The following SH3BGRL variants were observed in gnomAD, a reference collection of about 807,000 sequenced individuals.
The protein encoded by SH3BGRL is adapter SH3BGRL.
A neutral mutation model predicts 9.8 loss-of-function variants in SH3BGRL; 7 were observed. The observed-to-expected ratio is 0.72, with a 90% CI of 0.41 to 1.35. The LOEUF (loss-of-function observed/expected upper bound fraction) is 1.35, where lower values mean the gene tolerates loss of function less well. SH3BGRL is among the 40% of genes most tolerant of loss of function. SH3BGRL has a pLI of 0.01. For missense variants in SH3BGRL, 73 were observed against 84.4 expected (o/e 0.86, Z 0.53); for synonymous variants, 36 against 29.1 (o/e 1.24, Z -0.76).
chrX:81,211,444 G>A (rs757056778), intron 1 of SH3BGRL, among the ~76,000 whole-genome samples: 145 of 111,297 alleles, frequency 1.3e-3, no homozygotes, highest in African/African-American at 4.2e-3. Context: ...AAAATTAGCC[G>A]GGCGTGGTGG....
intron 3 of SH3BGRL, among the ~76,000 whole-genome samples, chrX:81,282,008 A>C (rs2075818953): frequency 8.9e-6 from 1 of 111,954 alleles, no homozygotes; most frequent in Non-Finnish European, 1.9e-5. Context: ...GCATATGGAC[A>C]CCAAATGAGA....
At chrX:81,230,379 A>T (rs1426651114) in intron 1 of SH3BGRL, among the ~76,000 whole-genome samples, 2 of 112,132 alleles carry the variant, frequency 1.8e-5, no homozygotes, top group Admixed American at 9.5e-5. Context: ...AGTGCCAGGA[A>T]GTAAGAGGAC....
chrX:81,223,086 A>C (rs1032331439), intron 1 of SH3BGRL, among the ~76,000 whole-genome samples: 15 of 111,423 alleles, frequency 1.3e-4, no homozygotes, highest in Non-Finnish European at 2.6e-4. Flanking sequence ...CCTTTGTCAG[A>C]TGAGTAGATT....
intron 1 of SH3BGRL, among the ~76,000 whole-genome samples, chrX:81,261,008 G>T (rs751052476): frequency 3.2e-4 from 33 of 102,258 alleles, no homozygotes; most frequent in Non-Finnish European, 5.7e-4. Flanking sequence ...AGACTGGTAA[G>T]TAGAAGTTAA....
At chrX:81,283,511 A>G (rs141296319) in intron 3 of SH3BGRL, among the ~76,000 whole-genome samples, 1 of 112,295 alleles carries the variant, frequency 8.9e-6, no homozygotes, top group East Asian at 2.8e-4. Context: ...GGGATGGTTT[A>G]ACACACACAA....
chrX:81,296,402 A>G (rs892395815), intron 3 of SH3BGRL, among the ~76,000 whole-genome samples: 1 of 111,749 alleles, frequency 8.9e-6, no homozygotes, highest in African/African-American at 3.3e-5. Context: ...GTGTCATTTA[A>G]TATTTTCTTC....
At chrX:81,266,554 C>T (rs2075757753) in intron 1 of SH3BGRL, among the ~76,000 whole-genome samples, 1 of 111,397 alleles carries the variant, frequency 9.0e-6, no homozygotes, top group African/African-American at 3.3e-5. Flanking sequence ...TGTTCTGTTC[C>T]ATTGGTCTAT....
At chrX:81,220,459 G>T (rs988072388) in intron 1 of SH3BGRL, among the ~76,000 whole-genome samples, 1 of 111,153 alleles carries the variant, frequency 9.0e-6, no homozygotes, top group African/African-American at 3.3e-5. Context: ...GGTATTGGTT[G>T]TAATATCACC....
intron 1 of SH3BGRL, among the ~76,000 whole-genome samples, chrX:81,271,886 G>T (rs748675454): frequency 3.7e-4 from 41 of 111,498 alleles, no homozygotes; most frequent in African/African-American, 1.3e-3. Context: ...GGTTAACCCT[G>T]AAATTGAGCA....
At chrX:81,243,487 T>G (rs1189400432) in intron 1 of SH3BGRL, among the ~76,000 whole-genome samples, 1 of 111,694 alleles carries the variant, frequency 9.0e-6, no homozygotes, top group Non-Finnish European at 1.9e-5. Flanking sequence ...CACAACAGGG[T>G]GACTGTTGTC....
At chrX:81,262,365 TTTC>T (rs1334136666) in intron 1 of SH3BGRL, among the ~76,000 whole-genome samples, 1 of 111,786 alleles carries the variant, frequency 8.9e-6, no homozygotes, top group Non-Finnish European at 1.9e-5. Context: ...GAGAAAGGCA[TTTC>T]TTCTTTGTGG....
chrX:81,270,960 C>T (rs2075776895), intron 1 of SH3BGRL, among the ~76,000 whole-genome samples: 2 of 111,624 alleles, frequency 1.8e-5, no homozygotes, highest in South Asian at 3.8e-4. Context: ...CAAAGGTGGA[C>T]GTCCCCCCCC....
chrX:81,229,827 G>A (rs897967600), intron 1 of SH3BGRL, among the ~76,000 whole-genome samples: 1 of 111,800 alleles, frequency 8.9e-6, no homozygotes, highest in African/African-American at 3.3e-5. Flanking sequence ...AGGTGGTCTT[G>A]GGAAATGCAG....
chrX:81,237,961 C>T (rs2075653689), intron 1 of SH3BGRL, among the ~76,000 whole-genome samples: 1 of 107,998 alleles, frequency 9.3e-6, no homozygotes, highest in African/African-American at 3.4e-5. Context: ...GCCCTAGCTC[C>T]CGGATGACAT....
At chrX:81,254,553 G>A (rs1602613166) in intron 1 of SH3BGRL, among the ~76,000 whole-genome samples, 1 of 112,191 alleles carries the variant, frequency 8.9e-6, no homozygotes, top group Non-Finnish European at 1.9e-5. Flanking sequence ...CAACTATAGA[G>A]GAAAAAGCCC....
chrX:81,275,429 A>G (rs1452028302), intron 1 of SH3BGRL, among the ~76,000 whole-genome samples: 2 of 111,455 alleles, frequency 1.8e-5, no homozygotes, highest in African/African-American at 6.5e-5. Flanking sequence ...GGACATCTTT[A>G]TATCTACTCA....
chrX:81,250,975 C>T (rs1357423734), intron 1 of SH3BGRL, among the ~76,000 whole-genome samples: 1 of 111,490 alleles, frequency 9.0e-6, no homozygotes, highest in Non-Finnish European at 1.9e-5. Context: ...TAAGTTATAC[C>T]ATAGCTTCTA....
At chrX:81,237,178 C>T (rs1033633352) in intron 1 of SH3BGRL, 16 of 482,694 alleles carry the variant, frequency 3.3e-5, no homozygotes, top group Non-Finnish European at 5.2e-5. Context: ...TTCACACGAA[C>T]ACCAATTTAA....
intron 1 of SH3BGRL, among the ~76,000 whole-genome samples, chrX:81,249,010 C>T (rs1235108877): frequency 8.9e-6 from 1 of 112,154 alleles, no homozygotes; most frequent in Admixed American, 9.4e-5. Context: ...CTGGTGGATT[C>T]CCATTTTCCT....
Sources: allele counts gnomAD v4.1 joint callset (sites outside exome capture counted in the v4.1 genomes callset), GRCh38; gene constraint gnomAD v4.1.1; transcripts MANE v1.5; gene names NCBI Gene and HGNC (gene_info 2026-07-23, HGNC 2026-07-21).